The following RABGAP1 variants were observed in gnomAD, a reference collection of about 807,000 sequenced individuals.
RABGAP1 encodes the protein RAB GTPase activating protein 1, also known as rab GTPase-activating protein 1.
In RABGAP1, 23 loss-of-function variants were observed where a neutral mutation model predicts 137.6. That is an observed-to-expected ratio of 0.17 (90% CI 0.12 to 0.24). The LOEUF (loss-of-function observed/expected upper bound fraction) is 0.24, where lower values mean the gene tolerates loss of function less well. Ranked by LOEUF, RABGAP1 falls within the 10% of genes least tolerant of loss-of-function variation. The probability of loss-of-function intolerance (pLI) is 1.00; values close to 1 mark genes in which losing one functional copy is unlikely to be tolerated. For synonymous variants in RABGAP1, 451 were observed against 450.7 expected (o/e 1.00, Z -0.01); for missense variants, 906 against 1,275.8 (o/e 0.71, Z 4.42).
intron 13 of RABGAP1, chr9:123,035,103 G>T (rs1308191304): frequency 1.2e-6 from 2 of 1,613,962 alleles, no homozygotes; most frequent in African/African-American, 1.3e-5. Context: ...ATGTGTTTCA[G>T]TGGTGTGCGG....
At chr9:123,014,453 G>C (rs2031063571) in intron 11 of RABGAP1, among the ~76,000 whole-genome samples, 1 of 152,072 alleles carries the variant, frequency 6.6e-6, no homozygotes, top group Admixed American at 6.5e-5. Context: ...TCATCACTCA[G>C]AGGGAGCAAT....
At chr9:123,073,430 C>A in intron 15 of RABGAP1, 122 bp from the exon 16 acceptor site, 1 of 1,234,796 alleles carries the variant, frequency 8.1e-7, no homozygotes, top group Non-Finnish European at 1.1e-6. Context: ...TTCTGCATAG[C>A]ACTAAATTTT....
chr9:123,092,812 A>G (rs2035069799), intron 21 of RABGAP1, among the ~76,000 whole-genome samples: 1 of 152,228 alleles, frequency 6.6e-6, no homozygotes, highest in Admixed American at 6.5e-5. Context: ...TGAAGCAAAA[A>G]GAGGTTAAAT....
chr9:123,035,699 A>G (rs1197511186), intron 13 of RABGAP1: 1 of 851,102 alleles, frequency 1.2e-6, no homozygotes, highest in Non-Finnish European at 1.8e-6. Context: ...ATCTCTAAGT[A>G]TTCCTAATTC....
At chr9:123,035,004 A>AC (rs2032542993) in intron 13 of RABGAP1, 1 of 1,613,462 alleles carries the variant, frequency 6.2e-7, no homozygotes, top group Non-Finnish European at 8.5e-7. Context: ...CCTGGAGACT[A>AC]CGCCTGTGTA....
intron 12 of RABGAP1, 68 bp from the exon 13 acceptor site, chr9:123,020,241 T>A: frequency 7.7e-7 from 1 of 1,305,810 alleles, no homozygotes; most frequent in Non-Finnish European, 1.0e-6. Flanking sequence ...TTGACTTTGA[T>A]AAAAGTAACA....
chr9:122,985,150 A>G (rs1836301017), intron 3 of RABGAP1, among the ~76,000 whole-genome samples: 1 of 152,202 alleles, frequency 6.6e-6, no homozygotes, highest in Non-Finnish European at 1.5e-5. Flanking sequence ...AGAACATGGG[A>G]CAGAAAGACA....
intron 21 of RABGAP1, among the ~76,000 whole-genome samples, chr9:123,093,777 G>A (rs2035100737): frequency 6.6e-6 from 1 of 152,128 alleles, no homozygotes; most frequent in Admixed American, 6.5e-5. Flanking sequence ...TTGCATTTCT[G>A]TATCAGTGTT....
chr9:123,094,842 G>A (rs572164920), intron 21 of RABGAP1, among the ~76,000 whole-genome samples: 2 of 152,056 alleles, frequency 1.3e-5, no homozygotes, highest in Non-Finnish European at 2.9e-5. Flanking sequence ...AATTTTTCGT[G>A]TGTCTGTTGT....
intron 21 of RABGAP1, among the ~76,000 whole-genome samples, chr9:123,091,570 A>G (rs898027411): frequency 2.0e-5 from 3 of 152,126 alleles, no homozygotes; most frequent in Non-Finnish European, 4.4e-5. Context: ...GGGGTGGTAA[A>G]ATAATAGCTA....
intron 13 of RABGAP1, among the ~76,000 whole-genome samples, chr9:123,057,017 G>A (rs1366120086): frequency 6.6e-6 from 1 of 152,118 alleles, no homozygotes; most frequent in Non-Finnish European, 1.5e-5. Context: ...GGTGGTGGCC[G>A]GGCAGAGGGG....
Position 123,015,654 on chromosome 9 carries a change from A to C in RABGAP1, c.1643+18A>C, listed in dbSNP as rs763294329. Reference sequence around the variant, plus strand: ...TCAAAATGGTAAGTTATGATAGAATAGTTTTTTTTATCTGCAATTTTCATT... The same window carrying C: ...TCAAAATGGTAAGTTATGATAGAATCGTTTTTTTTATCTGCAATTTTCATT... On this transcript the variant is annotated intron_variant, in intron 12 of 25. Coordinates refer to ENST00000373647, the MANE Select transcript of RABGAP1 (RefSeq NM_012197.4). 6.5e-7 allele frequency: 1 copy of C among 1,548,512 alleles called. No individual in the cohort carries two copies. Among genetic ancestry groups the C allele is most frequent in the Non-Finnish European group, 8.9e-7 (1 of 1,126,054 alleles).
Position 123,076,787 on chromosome 9 carries a change from G to C in RABGAP1, c.2424+25G>C, listed in dbSNP as rs2034524278. On this transcript the variant is annotated intron_variant, in intron 19 of 25. Transcript: ENST00000373647. ...GGTAAAATAATTTTGCATTAGTTAA[G>C]ATTCTGTTTTTCACTTAGTGTCTCA... The C allele has an allele frequency of 2.6e-6, 4 of 1,536,284 alleles. No individual in the cohort carries two copies. The South Asian group carries it at 5.2e-5, about 20-fold the overall frequency.
chr9:123,077,133 ATTTC>A (rs1165988150), intron 19 of RABGAP1: 1 of 147,548 alleles, frequency 6.8e-6, no homozygotes, highest in Non-Finnish European at 1.5e-5. Flanking sequence ...AGGTTTCATG[ATTTC>A]TTCTACTGTG....
intron 14 of RABGAP1, among the ~76,000 whole-genome samples, chr9:123,066,456 C>G (rs768221299): frequency 1.3e-5 from 2 of 152,234 alleles, no homozygotes; most frequent in Non-Finnish European, 2.9e-5. Flanking sequence ...ATACTTTTGA[C>G]TCCACTATAT....
intron 5 of RABGAP1, 160 bp downstream of exon 5, chr9:122,989,631 T>A: frequency 1.3e-6 from 1 of 750,858 alleles, no homozygotes; most frequent in Non-Finnish European, 2.1e-6. Flanking sequence ...ATAAATTAAC[T>A]AAAAATTTGA....
At chr9:123,076,126 TA>T in intron 17 of RABGAP1, 118 bp from the exon 18 acceptor site, 1 of 1,028,492 alleles carries the variant, frequency 9.7e-7, no homozygotes, top group Non-Finnish European at 1.4e-6. Flanking sequence ...AGTTCTGAGA[TA>T]ATGCATTTCC....
At chr9:122,976,173 A>G (rs998481519) in intron 2 of RABGAP1, among the ~76,000 whole-genome samples, 2 of 152,214 alleles carry the variant, frequency 1.3e-5, no homozygotes, top group Non-Finnish European at 2.9e-5. Context: ...TCATATGTTT[A>G]CAGTAGCTGC....
At chr9:122,998,290 A>G (rs556928791) in intron 9 of RABGAP1, among the ~76,000 whole-genome samples, 37 of 151,838 alleles carry the variant, frequency 2.4e-4, no homozygotes, top group Admixed American at 4.6e-4. Context: ...AGTAGAGACA[A>G]GGTTTCACCA....
Sources: gnomAD v4.1 joint callset for allele counts (sites outside exome capture counted in the v4.1 genomes callset) on GRCh38, gnomAD v4.1.1 for gene constraint, MANE v1.5 for transcripts, NCBI Gene and HGNC (gene_info 2026-07-23, HGNC 2026-07-21) for gene names.